ABCB4: variants seen among roughly 807,000 people sequenced by gnomAD.
ABCB4 encodes the protein phosphatidylcholine translocator ABCB4.
In ABCB4, 76 loss-of-function variants were observed where a neutral mutation model predicts 145.7. The observed-to-expected ratio is 0.52, with a 90% CI of 0.43 to 0.63. The LOEUF is 0.63. Ranked by LOEUF, ABCB4 falls within the 30% of genes least tolerant of loss-of-function variation. The probability of loss-of-function intolerance (pLI) is 0.00; values close to 1 mark genes in which losing one functional copy is unlikely to be tolerated. For missense variants in ABCB4, 1,234 were observed against 1,553.1 expected (o/e 0.79, Z 3.45); for synonymous variants, 517 against 566.8 (o/e 0.91, Z 1.25).
chr7:87,441,554 T>C (rs1384279761), intron 12 of ABCB4, among the ~76,000 whole-genome samples: 1 of 151,984 alleles, frequency 6.6e-6, no homozygotes, highest in Non-Finnish European at 1.5e-5. Context: ...ATAATAAATC[T>C]TTTGTTCCAA....
chr7:87,416,609 A>G (rs1808992516), intron 21 of ABCB4, among the ~76,000 whole-genome samples: 1 of 151,780 alleles, frequency 6.6e-6, no homozygotes, highest in African/African-American at 2.4e-5. Context: ...ACACTTAAAC[A>G]CATATAAAGA....
Position 87,423,958 on chromosome 7 carries a change from G to T in ABCB4, c.2159C>A (p.Ala720Asp). The T allele has an allele frequency of 1.2e-6, 2 of 1,614,020 alleles. No individual in the cohort carries two copies. Among genetic ancestry groups the T allele is most frequent in the Non-Finnish European group, 1.7e-6 (2 of 1,179,960 alleles). Reference sequence around the variant, plus strand: ...AAATGCCGGCTGAAGCCCCCCATTGGCAATGGCACATACTGTTCCCACGAC... The same window carrying T: ...AAATGCCGGCTGAAGCCCCCCATTGTCAATGGCACATACTGTTCCCACGAC... ...YFVVGTVCAIANGGLQPAFSV... is the reference protein window; with the variant it reads ...YFVVGTVCAIDNGGLQPAFSV... Residue 720 changes from alanine (A) to aspartate (D), a missense_variant, in exon 17 of 28, where the codon GCC (alanine) becomes GAC (aspartate). Ala to Asp is a moderately radical substitution (Grantham distance 126). Around this residue, in one of 7 missense-constraint regions of ABCB4, gnomAD observed 321 missense variants for 332.6 expected, o/e 0.97. Transcript: ENST00000649586.
intron 3 of ABCB4, among the ~76,000 whole-genome samples, chr7:87,466,331 A>G (rs1380656838): frequency 6.6e-6 from 1 of 152,208 alleles, no homozygotes. Context: ...AAATGAAACA[A>G]GAAGAGGAGT....
At chr7:87,391,673 A>G in the ABCB4 span, 2 of 1,611,644 alleles carry the variant, frequency 1.2e-6, no homozygotes, top group East Asian at 2.2e-5. Context: ...CAGTTGAAGC[A>G]GTGAGGTGGT....
chr7:87,459,807 C>T (rs547696460), intron 4 of ABCB4, among the ~76,000 whole-genome samples: 23 of 152,188 alleles, frequency 1.5e-4, no homozygotes, highest in South Asian at 6.2e-4. Context: ...ATAATATCTG[C>T]GACACTTGAA....
intron 16 of ABCB4, among the ~76,000 whole-genome samples, chr7:87,425,512 A>T (rs1028686152): frequency 1.3e-5 from 2 of 152,226 alleles, no homozygotes; most frequent in Admixed American, 1.3e-4. Flanking sequence ...ATAAAAACAG[A>T]TGCAATAAAT....
chr7:87,417,350 C>T lies in ABCB4; in HGVS notation c.2644G>A (p.Ala882Thr). The stretch of plus-strand genomic sequence containing the variant: ...TCCAGTTCTTTTTTATCTCTTTTGG[C>T]ATTTCCAGCCAACAATTTCATTTCA... ...IVEMKLLAGNAKRDKKELEAA... is the reference protein window; with the variant it reads ...IVEMKLLAGNTKRDKKELEAA... Residue 882 changes from alanine (A) to threonine (T), a missense_variant, in exon 21 of 28, where the codon GCC becomes ACC. By Grantham distance (58) the Ala-to-Thr change is moderately conservative. Transcript: ENST00000649586. 1 of 1,614,074 alleles carries T rather than the reference C, an allele frequency of 6.2e-7. No homozygotes were observed. Among genetic ancestry groups the T allele is most frequent in the Non-Finnish European group, 8.5e-7 (1 of 1,179,980 alleles).
intron 20 of ABCB4, among the ~76,000 whole-genome samples, chr7:87,418,328 A>G (rs182033147): frequency 7.2e-5 from 11 of 152,332 alleles, no homozygotes; most frequent in East Asian, 3.9e-4. Context: ...GCCAAAGCCA[A>G]TGAGGGAACC....
At chr7:87,440,083 G>T in intron 13 of ABCB4, 116 bp downstream of exon 13, 1 of 1,269,126 alleles carries the variant, frequency 7.9e-7, no homozygotes, top group Non-Finnish European at 1.1e-6. Flanking sequence ...GACTTATCTA[G>T]CAAAGTTGGA....
intron 4 of ABCB4, among the ~76,000 whole-genome samples, chr7:87,457,540 C>T (rs2116856597): frequency 6.6e-6 from 1 of 152,300 alleles, no homozygotes; most frequent in Middle Eastern, 3.4e-3. Flanking sequence ...TAGAGAGTAC[C>T]TATATAACCT....
chr7:87,394,263 C>CTAA, the ABCB4 span, among the ~76,000 whole-genome samples: 1 of 152,148 alleles, frequency 6.6e-6, no homozygotes, highest in East Asian at 1.9e-4. Context: ...TCACATAATG[C>CTAA]TAATCATCTC....
chr7:87,449,220 C>T (rs550942955), intron 8 of ABCB4, among the ~76,000 whole-genome samples: 3 of 152,184 alleles, frequency 2.0e-5, no homozygotes, highest in Non-Finnish European at 4.4e-5. Context: ...GAAGCCCTGC[C>T]TCATTGTTAT....
At position 87,431,075 on chromosome 7, in the gene ABCB4, G is replaced by A. The variant is rs1372384348; in HGVS notation, c.1893+329C>T. Among the ~76,000 whole-genome samples, 8 of 152,030 alleles carry A rather than the reference G, an allele frequency of 5.3e-5. No homozygotes were observed. The East Asian group carries it at 5.8e-4, about 11-fold the overall frequency. ...ATATAACTCAGAGCCGGGGCTCCTC[G>A]GACAAGTCGAAACACTTTTCTCGTC... is the stretch of plus-strand genomic sequence containing the variant. On this transcript the variant is annotated intron_variant, in intron 15 of 27. Coordinates refer to ENST00000649586, the MANE Select transcript of ABCB4 (RefSeq NM_000443.4).
rs1446493548 is a variant in ABCB4 at position 87,417,235 on chromosome 7, T to G, written c.2682+77A>C. The G allele has an allele frequency of 5.2e-6, 7 of 1,358,622 alleles. No individual in the cohort carries two copies. The Admixed American group carries it at 1.2e-4, about 23-fold the overall frequency. 84.2% of individuals were successfully genotyped at this position (1,358,622 alleles called of 1,614,324 possible). A position where few individuals can be genotyped will look rare whatever the true frequency, so the allele number is the denominator to read the frequency against. Reference sequence around the variant, plus strand: ...AAACATTTAATTATTAAAGCCTGCATATCATGATAAATAATTCAAATAAAA... The same window carrying G: ...AAACATTTAATTATTAAAGCCTGCAGATCATGATAAATAATTCAAATAAAA... On this transcript the variant is annotated intron_variant, in intron 21 of 27. Coordinates refer to ENST00000649586, the MANE Select transcript of ABCB4 (RefSeq NM_000443.4).
intron 2 of ABCB4, among the ~76,000 whole-genome samples, chr7:87,474,604 C>G (rs1032260078): frequency 6.6e-6 from 1 of 152,114 alleles, no homozygotes; most frequent in Non-Finnish European, 1.5e-5. Flanking sequence ...CTGGTATGAA[C>G]TCAGAGACCG....
At chr7:87,458,206 A>T (rs1812224391) in intron 4 of ABCB4, among the ~76,000 whole-genome samples, 1 of 152,202 alleles carries the variant, frequency 6.6e-6, no homozygotes, top group Non-Finnish European at 1.5e-5. Context: ...TCACAGAGAC[A>T]GCATAAAAGA....
intron 21 of ABCB4, among the ~76,000 whole-genome samples, chr7:87,416,865 T>C (rs1478483589): frequency 6.6e-6 from 1 of 152,242 alleles, no homozygotes; most frequent in Non-Finnish European, 1.5e-5. Context: ...AACCACAAAA[T>C]TGAGGCATTA....
At chr7:87,462,224 G>A (rs1272162397) in intron 4 of ABCB4, among the ~76,000 whole-genome samples, 3 of 152,132 alleles carry the variant, frequency 2.0e-5, no homozygotes, top group South Asian at 2.1e-4. Context: ...TCCAAGGGAC[G>A]TATTGAATCC....
chr7:87,447,298 T>A, intron 8 of ABCB4, 93 bp from the exon 9 acceptor site: 2 of 1,275,980 alleles, frequency 1.6e-6, no homozygotes, highest in Non-Finnish European at 2.2e-6. Flanking sequence ...GAGGTTTAAG[T>A]AACAAAGTCA....
Sources: gnomAD v4.1 joint callset for allele counts (sites outside exome capture counted in the v4.1 genomes callset) on GRCh38, gnomAD v4.1.1 for gene constraint, gnomAD v4.1.1 regional missense constraint, MANE v1.5 for transcripts, NCBI Gene and HGNC (gene_info 2026-07-23, HGNC 2026-07-21) for gene names.